USH2A: variants seen among roughly 807,000 people sequenced by gnomAD.
The protein encoded by USH2A is usherin, also known as Usher syndrome 2A (autosomal recessive, mild).
A neutral mutation model predicts 538.9 loss-of-function variants in USH2A; 443 were observed. The ratio of observed to expected loss-of-function variants is 0.82; its 90% CI spans 0.76 to 0.89. The LOEUF is 0.89. Ranked by LOEUF, USH2A falls within the 40% of genes least tolerant of loss-of-function variation. The pLI is 0.00. For missense variants in USH2A, 6,633 were observed against 6,324.8 expected (o/e 1.05, Z -1.65); for synonymous variants, 2,413 against 2,273.5 (o/e 1.06, Z -1.75).
chr1:215,628,994 CACA>C lies in USH2A; in HGVS notation c.15336_15338del (p.Val5113del). 6.2e-7 allele frequency: 1 copy of C among 1,613,758 alleles called. No individual in the cohort carries two copies. Among genetic ancestry groups the C allele is most frequent in the Non-Finnish European group, 8.5e-7 (1 of 1,180,040 alleles). On this transcript the variant is annotated inframe_deletion, in exon 71 of 72. Coordinates refer to ENST00000307340, the MANE Select transcript of USH2A (RefSeq NM_206933.4). ...ATGCACTCCGGTTGCTGCGGATACT[CACA>C]GGTGTCCCAGACCGGGGAATTTTGG... is the stretch of plus-strand genomic sequence containing the variant.
intron 38 of USH2A, among the ~76,000 whole-genome samples, chr1:215,930,944 C>T (rs184137032): frequency 6.6e-6 from 1 of 151,834 alleles, no homozygotes; most frequent in Admixed American, 6.6e-5. Flanking sequence ...TAAATATATC[C>T]TTTATTTCCA....
intron 61 of USH2A, among the ~76,000 whole-genome samples, chr1:215,682,477 G>A (rs928079773): frequency 2.0e-5 from 3 of 151,906 alleles, no homozygotes; most frequent in Admixed American, 1.3e-4. Context: ...ATTAACAACT[G>A]GCATTCAGTC....
intron 37 of USH2A, among the ~76,000 whole-genome samples, chr1:215,953,984 G>C (rs376847828): frequency 0.034 from 5,124 of 152,170 alleles, 135 homozygotes; most frequent in South Asian, 0.084. Flanking sequence ...CACTGGCCAT[G>C]AGAGAAATGC....
At chr1:216,394,396 G>A (rs990070423) in intron 3 of USH2A, among the ~76,000 whole-genome samples, 2 of 152,028 alleles carry the variant, frequency 1.3e-5, no homozygotes, top group African/African-American at 4.8e-5. Flanking sequence ...CTATAAAAGA[G>A]TAGCACAAAG....
In USH2A at chr1:215,748,567, T is replaced by C. The variant is rs2820725; in HGVS notation, c.11390-5232A>G. ...CAGACCTCCTGGGATTGCATATTCATCCTGTCTTCTTTGTTCCTAGGACAG... is the reference window on the plus strand; with the variant it reads ...CAGACCTCCTGGGATTGCATATTCACCCTGTCTTCTTTGTTCCTAGGACAG... On this transcript the variant is annotated intron_variant, in intron 58 of 71. Coordinates refer to ENST00000307340, the MANE Select transcript of USH2A (RefSeq NM_206933.4). 6.0e-3 allele frequency among the ~76,000 whole-genome samples: 919 copies of C among 152,312 alleles called. 4 individuals carry two copies. Among genetic ancestry groups the C allele is most frequent in the Non-Finnish European group, 0.01 (684 of 68,022 alleles).
At chr1:215,736,751 C>G (rs12092733) in intron 60 of USH2A, among the ~76,000 whole-genome samples, 97,881 of 151,698 alleles carry the variant, frequency 0.65, 34,260 homozygotes, top group Non-Finnish European at 0.79. Context: ...AATGAACAAT[C>G]TTACTTATAA....
At chr1:216,155,013 T>C (rs1225524005) in intron 21 of USH2A, among the ~76,000 whole-genome samples, 1 of 113,442 alleles carries the variant, frequency 8.8e-6, no homozygotes, top group African/African-American at 3.4e-5. Context: ...CAAATGCAAA[T>C]TTCTAGGTAC....
At chr1:216,288,916 T>G (rs1313600812) in intron 11 of USH2A, among the ~76,000 whole-genome samples, 1 of 152,234 alleles carries the variant, frequency 6.6e-6, no homozygotes, top group African/African-American at 2.4e-5. Flanking sequence ...ACTTTTGCTA[T>G]ATGATCTTCT....
chr1:216,380,991 C>A (rs1050277376), intron 3 of USH2A, among the ~76,000 whole-genome samples: 6 of 151,900 alleles, frequency 3.9e-5, no homozygotes, highest in African/African-American at 1.2e-4. Flanking sequence ...CAAAAATATA[C>A]CTAATGCAAA....
At chr1:216,093,589 CAG>C (rs2032358279) in intron 22 of USH2A, among the ~76,000 whole-genome samples, 1 of 152,190 alleles carries the variant, frequency 6.6e-6, no homozygotes, top group South Asian at 2.1e-4. Context: ...TCCTATCCTA[CAG>C]AGTCTTAAGG....
chr1:215,743,386 ATGTGTGTGTG>A lies in USH2A; in HGVS notation c.11390-61_11390-52del, dbSNP rs61304768. The A allele has an allele frequency of 4.6e-5, 15 of 328,562 alleles. 1 individual carries two copies. The highest frequency in any genetic ancestry group is 9.8e-5 in the African/African-American group (3 of 30,712). 20.4% of individuals were successfully genotyped at this position (328,562 alleles called of 1,614,324 possible). A position where few individuals can be genotyped will look rare whatever the true frequency, so the allele number is the denominator to read the frequency against. ...ACATTAAAAACATATATATATATAT[ATGTGTGTGTG>A]TGTGTGTGTGTGTGTGTGTGTATAT... On this transcript the variant is annotated intron_variant, in intron 58 of 71. Coordinates refer to ENST00000307340, the MANE Select transcript of USH2A (RefSeq NM_206933.4).
Position 216,084,447 on chromosome 1 carries a change from C to G in USH2A, c.5167+251G>C, listed in dbSNP as rs115897617. On this transcript the variant is annotated intron_variant, in intron 25 of 71. Coordinates refer to ENST00000307340, the MANE Select transcript of USH2A (RefSeq NM_206933.4). The stretch of plus-strand genomic sequence containing the variant: ...GATTTGCAAATGGACATTGGTGATG[C>G]TAACATATGTAAATCAAGAACTGCA... 4.6e-3 allele frequency among the ~76,000 whole-genome samples: 693 copies of G among 152,222 alleles called. 4 individuals carry two copies. Among genetic ancestry groups the G allele is most frequent in the African/African-American group, 0.016 (660 of 41,540 alleles).
chr1:216,000,556 G>T lies in USH2A; in HGVS notation c.6332C>A (p.Ala2111Glu), dbSNP rs373761608. ...TAGAAACTGGTGGGGTGTAAATACT[G>T]CTAAATCTAGGGGATAGGGAGAAAC... The part of the protein sequence containing the change: ...SEENYIVTDL[A>E]VFTPHQFLLS... The change falls in exon 33 of 72, where the codon GCA (alanine) becomes GAA (glutamate). Residue 2111 changes from alanine (A) to glutamate (E), a missense_variant. Coordinates refer to ENST00000307340, the MANE Select transcript of USH2A (RefSeq NM_206933.4). The T allele has an allele frequency of 2.5e-6, 4 of 1,613,280 alleles. No individual in the cohort carries two copies. Among genetic ancestry groups the T allele is most frequent in the Non-Finnish European group, 3.4e-6 (4 of 1,179,518 alleles).
At chr1:216,345,330 G>A (rs552985816) in intron 4 of USH2A, among the ~76,000 whole-genome samples, 1 of 152,104 alleles carries the variant, frequency 6.6e-6, no homozygotes, top group South Asian at 2.1e-4. Flanking sequence ...TGAGCAGAGT[G>A]GCTAATGTCT....
chr1:215,738,929 T>A (rs771490690), intron 60 of USH2A, among the ~76,000 whole-genome samples: 3 of 152,186 alleles, frequency 2.0e-5, no homozygotes, highest in Non-Finnish European at 2.9e-5. Flanking sequence ...ACTATGTGTC[T>A]CCATTCTATT....
At chr1:216,362,768 C>G (rs1055114346) in intron 4 of USH2A, among the ~76,000 whole-genome samples, 4 of 151,598 alleles carry the variant, frequency 2.6e-5, no homozygotes, top group African/African-American at 9.7e-5. Flanking sequence ...CATGGTGAAA[C>G]CCCATCTCTA....
intron 11 of USH2A, among the ~76,000 whole-genome samples, chr1:216,261,486 A>T (rs2036371023): frequency 6.6e-6 from 1 of 151,658 alleles, no homozygotes; most frequent in Non-Finnish European, 1.5e-5. Context: ...AATCTCAACT[A>T]AAAGATTAGA....
At chr1:215,938,009 T>C (rs1031489656) in intron 37 of USH2A, among the ~76,000 whole-genome samples, 1 of 152,070 alleles carries the variant, frequency 6.6e-6, no homozygotes, top group African/African-American at 2.4e-5. Context: ...ATTCTAAGCT[T>C]CCTAGATAAC....
In USH2A at chr1:216,072,887, A is replaced by G. The variant is rs397518022; in HGVS notation, c.5857+2T>C. ...CATATGCATTTGAAGATAAGTATTT[A>G]CCTGCTCCTGTTGTACGTCCTCGAC... is the stretch of plus-strand genomic sequence containing the variant. On this transcript the variant is annotated splice_donor_variant, in intron 29 of 71. Transcript: ENST00000307340. LOFTEE classifies it high-confidence loss of function. 7.4e-6 allele frequency: 12 copies of G among 1,613,410 alleles called. No homozygotes were observed. Among genetic ancestry groups the G allele is most frequent in the African/African-American group, 1.3e-5 (1 of 74,880 alleles).
Sources: allele counts gnomAD v4.1 joint callset (sites outside exome capture counted in the v4.1 genomes callset), GRCh38; gene constraint gnomAD v4.1.1; transcripts MANE v1.5; gene names NCBI Gene and HGNC (gene_info 2026-07-23, HGNC 2026-07-21).